Variants in COL12A1 observed in about 807,000 individuals in gnomAD.
COL12A1 encodes the protein collagen type XII alpha 1 chain, also known as collagen alpha-1(XII) chain.
A neutral mutation model predicts 349.7 loss-of-function variants in COL12A1; 114 were observed. The observed-to-expected ratio is 0.33, with a 90% CI of 0.28 to 0.38. The LOEUF (loss-of-function observed/expected upper bound fraction) is 0.38. COL12A1 is among the 10% of genes least tolerant of loss of function. The probability of loss-of-function intolerance (pLI) is 1.00; values close to 1 mark genes in which losing one functional copy is unlikely to be tolerated. For synonymous variants in COL12A1, 1,369 were observed against 1,329.0 expected, an observed-to-expected ratio of 1.03 and a Z score of -0.66; for missense variants, 3,284 against 3,756.9, an observed-to-expected ratio of 0.87 and a Z score of 3.29.
intron 13 of COL12A1, among the ~76,000 whole-genome samples, chr6:75,171,741 C>T (rs1395132397): frequency 6.6e-6 from 1 of 152,156 alleles, no homozygotes; most frequent in Non-Finnish European, 1.5e-5. Context: ...TATCCTATTC[C>T]TGTATATGGT....
intron 14 of COL12A1, among the ~76,000 whole-genome samples, chr6:75,158,956 GA>G (rs996254439): frequency 6.6e-6 from 1 of 151,742 alleles, no homozygotes; most frequent in African/African-American, 2.4e-5. Context: ...TAAAGTATTT[GA>G]AAAAATAATG....
chr6:75,113,341 A>G, intron 50 of COL12A1, 28 bp from the exon 51 acceptor site: 8 of 1,329,892 alleles, frequency 6.0e-6, no homozygotes, highest in Middle Eastern at 1.8e-4. Context: ...GTGTTATTAA[A>G]TCATATGCAT....
intron 2 of COL12A1, among the ~76,000 whole-genome samples, chr6:75,199,162 C>CA (rs1237769258): frequency 6.6e-6 from 1 of 152,132 alleles, no homozygotes; most frequent in Non-Finnish European, 1.5e-5. Context: ...CAAGCACAAA[C>CA]AAAGCACAGT....
At chr6:75,107,999 A>G (rs1402965758) in intron 52 of COL12A1, among the ~76,000 whole-genome samples, 1 of 152,236 alleles carries the variant, frequency 6.6e-6, no homozygotes. Flanking sequence ...AAATAAAGCC[A>G]TTTTTAAAAT....
chr6:75,135,565 C>T (rs189231538), intron 31 of COL12A1, among the ~76,000 whole-genome samples: 65 of 152,290 alleles, frequency 4.3e-4, no homozygotes, highest in Non-Finnish European at 7.1e-4. Context: ...TAACAGTCTA[C>T]CGAATTCAGA....
rs527417450 is a variant in COL12A1 at position 75,108,908 on chromosome 6, T to G, written c.8100+110A>C. On this transcript the variant is annotated intron_variant, in intron 52 of 65. Transcript: ENST00000322507. The stretch of plus-strand genomic sequence containing the variant: ...GATCTGACCAAGAAATTTGACAACT[T>G]AAAACTCACTGAGAAAAATAGAATA... 21 of 1,217,716 alleles carry G rather than the reference T, an allele frequency of 1.7e-5. No homozygotes were observed. In the African/African-American group the frequency reaches 2.3e-4, roughly 13 times the overall value. 75.4% of individuals were successfully genotyped at this position (1,217,716 alleles called of 1,614,324 possible).
intron 3 of COL12A1, 107 bp from the exon 4 acceptor site, chr6:75,192,462 T>A: frequency 1.9e-6 from 2 of 1,039,968 alleles, no homozygotes. Context: ...ATTCAGTATA[T>A]ACATTTTTTC....
chr6:75,177,314 G>A (rs1036843653), intron 12 of COL12A1, among the ~76,000 whole-genome samples: 12 of 152,008 alleles, frequency 7.9e-5, no homozygotes, highest in Non-Finnish European at 1.6e-4. Flanking sequence ...GCACGCGCCT[G>A]TAATCCCAGC....
Position 75,143,368 on chromosome 6 carries a change from C to T in COL12A1, c.4711G>A (p.Asp1571Asn). ...TGAGTCACATCTCTGAGTTTCAGATCCTGAGGTCTGGGTAAAGGCACTAGA... is the reference window on the plus strand; with the variant it reads ...TGAGTCACATCTCTGAGTTTCAGATTCTGAGGTCTGGGTAAAGGCACTAGA... The part of the protein sequence containing the change: ...EVTLPLPRPQ[D>N]LKLRDVTHST... Residue 1571 changes from aspartate (D) to asparagine (N), a missense_variant, in exon 26 of 66, where the codon GAT becomes AAT. Asp to Asn is a conservative substitution (Grantham distance 23). Around this residue, in one of 2 missense-constraint regions of COL12A1, gnomAD observed 2,601 missense variants for 2,824.8 expected, o/e 0.92. Transcript: ENST00000322507. 1.9e-6 allele frequency: 3 copies of T among 1,613,614 alleles called. No homozygotes were observed. Among genetic ancestry groups the T allele is most frequent in the South Asian group, 2.2e-5 (2 of 90,952 alleles).
intron 60 of COL12A1, among the ~76,000 whole-genome samples, chr6:75,093,893 A>C (rs1388089828): frequency 6.6e-6 from 1 of 152,214 alleles, no homozygotes; most frequent in Admixed American, 6.5e-5. Context: ...ATATTCTTAT[A>C]TAAGACACTA....
At position 75,085,567 on chromosome 6, in the gene COL12A1, AC is replaced by A. The variant is rs1205673494; in HGVS notation, c.*979del. On this transcript the variant is annotated 3_prime_UTR_variant, in exon 66 of 66. Coordinates refer to ENST00000322507, the MANE Select transcript of COL12A1 (RefSeq NM_004370.6). ...AAATGGCACTTTCTTAAAAAAAAAAACCTTCAAAAATCCAGCAGTAAACACA... is the reference window on the plus strand; with the variant it reads ...AAATGGCACTTTCTTAAAAAAAAAAACTTCAAAAATCCAGCAGTAAACACA... The A allele has an allele frequency of 6.2e-5, 20 of 321,114 alleles. No individual in the cohort carries two copies. Among genetic ancestry groups the A allele is most frequent in the Non-Finnish European group, 1.2e-4 (19 of 159,282 alleles). 19.9% of individuals were successfully genotyped at this position (321,114 alleles called of 1,614,324 possible).
rs534462036 is a variant in COL12A1, at chr6:75,132,018, G to A, written c.5859C>T (p.Arg1953=). ...GCACAGGTCCTGGAGCAGGGTCCCA[G>A]CGAACATCGAGGCTGTTAGGTGTAG... ...YNPTPNSLDV[R]WDPAPGPVLQ... Residue 1953 remains arginine (R), a synonymous_variant, in exon 35 of 66, where the codon CGC becomes CGT. Transcript: ENST00000322507. 1.3e-4 allele frequency: 209 copies of A among 1,614,158 alleles called. 1 individual carries two copies. The South Asian group carries it at 2.2e-3, about 17-fold the overall frequency.
intron 24 of COL12A1, among the ~76,000 whole-genome samples, 188 bp downstream of exon 24, chr6:75,145,914 G>A (rs111739926): frequency 1.2e-3 from 180 of 152,260 alleles, no homozygotes; most frequent in African/African-American, 4.1e-3. Flanking sequence ...TTACACAGGC[G>A]TCAGTCACCG....
In COL12A1 at chr6:75,119,772, G is replaced by A. The variant is rs551600249; in HGVS notation, c.7087-299C>T. Among the ~76,000 whole-genome samples, 9 of 152,252 alleles carry A rather than the reference G, an allele frequency of 5.9e-5. 1 individual carries two copies. The South Asian group carries it at 1.9e-3, about 32-fold the overall frequency. ...AAAGGGATGAATAAAGGTGGGGAGT[G>A]GTGAGATCCCAGGATTAGACATGAG... On this transcript the variant is annotated intron_variant, in intron 44 of 65. Coordinates refer to ENST00000322507, the MANE Select transcript of COL12A1 (RefSeq NM_004370.6).
intron 17 of COL12A1, 147 bp from the exon 18 acceptor site, chr6:75,152,629 G>T: frequency 1.2e-6 from 1 of 803,724 alleles, no homozygotes. Context: ...ATAAGACTCT[G>T]AAAATATGTC....
At chr6:75,096,802 A>G (rs1044223335) in intron 59 of COL12A1, among the ~76,000 whole-genome samples, 2 of 148,968 alleles carry the variant, frequency 1.3e-5, no homozygotes, top group East Asian at 2.1e-4. Context: ...AGGCTGAGGC[A>G]GGAGAATGGC....
chr6:75,090,646 AT>A lies in COL12A1; in HGVS notation c.8753-349del, dbSNP rs529288654. Among the ~76,000 whole-genome samples the A allele has an allele frequency of 2.6e-5, 4 of 152,178 alleles. No homozygotes were observed. The highest frequency in any genetic ancestry group is 7.2e-5 in the African/African-American group (3 of 41,446). On this transcript the variant is annotated intron_variant, in intron 62 of 65. Coordinates refer to ENST00000322507, the MANE Select transcript of COL12A1 (RefSeq NM_004370.6). This position sits in a 1 kb window ranked among gnomAD's most constrained non-coding sequence, Gnocchi z 4.1. ...TTTTTTATAATTAGATAATTCTACA[AT>A]TTTTTGTATATCTAAGGCAATGATA...
chr6:75,175,947 G>A (rs1029017459), intron 12 of COL12A1, among the ~76,000 whole-genome samples: 1 of 152,138 alleles, frequency 6.6e-6, no homozygotes, highest in Non-Finnish European at 1.5e-5. Context: ...GGTTCCTAAG[G>A]AATCCAGCCC....
intron 63 of COL12A1, 117 bp from the exon 64 acceptor site, chr6:75,089,291 TA>T: frequency 1.3e-6 from 1 of 741,018 alleles, no homozygotes; most frequent in Non-Finnish European, 2.1e-6. Context: ...AAGCAGAACC[TA>T]ATTTTTCACA....
Sources: gnomAD v4.1 joint callset for allele counts (sites outside exome capture counted in the v4.1 genomes callset) on GRCh38, gnomAD v4.1.1 for gene constraint, gnomAD v4.1.1 regional missense constraint, Gnocchi (gnomAD v3.1) non-coding constraint, MANE v1.5 for transcripts, NCBI Gene and HGNC (gene_info 2026-07-23, HGNC 2026-07-21) for gene names.